The following DRICH1 variants were observed in gnomAD, a reference collection of about 807,000 sequenced individuals.
The protein encoded by DRICH1 is aspartate rich 1, also known as aspartate-rich protein 1.
A neutral mutation model predicts 39.5 loss-of-function variants in DRICH1; 38 were observed. The ratio of observed to expected loss-of-function variants is 0.96; its 90% CI spans 0.74 to 1.26. DRICH1 has a LOEUF of 1.26. Ranked by LOEUF, DRICH1 falls within the 50% of genes most tolerant of loss-of-function variation. The pLI is 0.00. For missense variants in DRICH1, 279 were observed against 270.4 expected (o/e 1.03, Z -0.22); for synonymous variants, 84 against 99.5 (o/e 0.84, Z 0.93).
At chr22:23,601,363 C>A in the DRICH1 span, among the ~76,000 whole-genome samples, 1 of 152,166 alleles carries the variant, frequency 6.6e-6, no homozygotes, top group African/African-American at 2.4e-5. Flanking sequence ...ACTTAGACTC[C>A]TAGTCAGCAT....
intron 6 of DRICH1, 117 bp downstream of exon 6, chr22:23,619,247 C>A (rs531932367): frequency 1.6e-5 from 10 of 618,280 alleles, no homozygotes; most frequent in South Asian, 7.4e-5. Flanking sequence ...CAGCTGTCAA[C>A]ATAAAGTTTC....
chr22:23,582,705 C>T, the DRICH1 span, among the ~76,000 whole-genome samples: 2 of 152,014 alleles, frequency 1.3e-5, no homozygotes, highest in Non-Finnish European at 2.9e-5. Flanking sequence ...AGCTGGTCTA[C>T]AGGTGCCCGC....
intron 10 of DRICH1, 21 bp downstream of exon 10, chr22:23,613,618 G>C (rs886320162): frequency 2.5e-6 from 4 of 1,589,292 alleles, no homozygotes; most frequent in Non-Finnish European, 3.5e-6. Context: ...CTCAGGAAGT[G>C]AGTTATCTCA....
At position 23,620,373 on chromosome 22, in the gene DRICH1, TCCA is replaced by T. The variant is rs111944809; in HGVS notation, c.406+218_406+220del. On this transcript the variant is annotated intron_variant, in intron 5 of 11. Transcript: ENST00000317749. ...GGTCAGTGAGCGGTGCACTCACTTC[TCCA>T]ACTCCAGGTGAAGACACACTGGCTC... Among the ~76,000 whole-genome samples the T allele has an allele frequency of 2.4e-3, 364 of 152,208 alleles. 2 individuals are homozygous for T. Among genetic ancestry groups the T allele is most frequent in the African/African-American group, 7.1e-3 (295 of 41,528 alleles).
At chr22:23,626,170 AAC>A (rs936419288) in intron 1 of DRICH1, 122 bp from the exon 2 acceptor site, 24 of 684,840 alleles carry the variant, frequency 3.5e-5, no homozygotes, top group Non-Finnish European at 6.3e-5. Context: ...ATCTCAGAGA[AAC>A]AACTGTGTTC....
intron 2 of DRICH1, among the ~76,000 whole-genome samples, chr22:23,625,739 T>TGTGACCTCATA (rs1569095748): frequency 1.3e-5 from 2 of 152,082 alleles, no homozygotes; most frequent in African/African-American, 2.4e-5. Context: ...CCGGGAAGAT[T>TGTGACCTCATA]GTGACCTCAT....
chr22:23,626,112 C>T, intron 1 of DRICH1, 64 bp from the exon 2 acceptor site: 3 of 1,159,074 alleles, frequency 2.6e-6, no homozygotes, highest in East Asian at 4.7e-5. Flanking sequence ...CCTCAGGGAG[C>T]TTTGCTGGAT....
rs1480785485 is a variant in DRICH1 at position 23,617,669 on chromosome 22, C to A, written c.437-12G>T. 2.5e-6 allele frequency: 4 copies of A among 1,613,474 alleles called. No homozygotes were observed. Among genetic ancestry groups the A allele is most frequent in the East Asian group, 2.2e-5 (1 of 44,894 alleles). On this transcript the variant is annotated splice_polypyrimidine_tract_variant and intron_variant, in intron 6 of 11. Transcript: ENST00000317749. ...GTCCTCAGAAGAACCTGGAAGCACA[C>A]AGAGGAAAGATCCGTGCCCTGGTTG...
chr22:23,586,521 C>T, the DRICH1 span, among the ~76,000 whole-genome samples: 2 of 152,102 alleles, frequency 1.3e-5, no homozygotes, highest in East Asian at 3.9e-4. Flanking sequence ...TTACCTCCCT[C>T]ATGTTCCCTG....
chr22:23,619,568 T>C lies in DRICH1; in HGVS notation c.407-175A>G, dbSNP rs141226512. On this transcript the variant is annotated intron_variant, in intron 5 of 11. Transcript: ENST00000317749. ...TTCCAGCATGGAGGTATCACAGATA[T>C]AGAATACAGAGCCCAGAATTAAATG... Among the ~76,000 whole-genome samples, 778 of 124,524 alleles carry C rather than the reference T, an allele frequency of 6.2e-3. 1 individual carries two copies. The highest frequency in any genetic ancestry group is 0.011 in the Non-Finnish European group (622 of 57,672). The allele number at this position is 124,524 out of a possible 152,430, so 81.7% of individuals were successfully genotyped here.
the DRICH1 span, among the ~76,000 whole-genome samples, chr22:23,587,513 G>T: frequency 3.3e-5 from 5 of 152,324 alleles, no homozygotes; most frequent in East Asian, 9.6e-4. Flanking sequence ...CAGGACCAGG[G>T]ACGGGGCCTG....
chr22:23,621,946 G>GA (rs1927763985), intron 4 of DRICH1, 145 bp downstream of exon 4: 1 of 790,834 alleles, frequency 1.3e-6, no homozygotes, highest in Admixed American at 2.6e-5. Context: ...GAAAAGAAAA[G>GA]AAAAAAGAAA....
downstream of DRICH1, among the ~76,000 whole-genome samples, chr22:23,604,129 C>A (rs920828918): frequency 6.6e-6 from 1 of 152,126 alleles, no homozygotes; most frequent in Non-Finnish European, 1.5e-5. Context: ...CCCACCCATC[C>A]AACTCTGGTC....
At chr22:23,614,585 A>G (rs562135108) in intron 8 of DRICH1, among the ~76,000 whole-genome samples, 80 of 152,322 alleles carry the variant, frequency 5.3e-4, no homozygotes, top group African/African-American at 1.8e-3. Flanking sequence ...CTAGGATCTA[A>G]TTATGCTGAT....
chr22:23,592,695 A>C, the DRICH1 span, among the ~76,000 whole-genome samples: 1 of 152,148 alleles, frequency 6.6e-6, no homozygotes, highest in East Asian at 1.9e-4. Context: ...AGAGGCTTCA[A>C]GCTTTAAGAT....
At chr22:23,606,044 C>T (rs1427573969), downstream of DRICH1, among the ~76,000 whole-genome samples, 1 of 150,032 alleles carries the variant, frequency 6.7e-6, no homozygotes. Context: ...ACTGCACTCC[C>T]GCCTCAAAAA....
At chr22:23,591,273 G>A in the DRICH1 span, among the ~76,000 whole-genome samples, 1 of 152,268 alleles carries the variant, frequency 6.6e-6, no homozygotes, top group Middle Eastern at 3.4e-3. Context: ...AGTTCAGCTT[G>A]GGCCAGTCTC....
intron 1 of DRICH1, among the ~76,000 whole-genome samples, chr22:23,629,906 C>CG (rs1310514389): frequency 6.6e-6 from 1 of 152,160 alleles, no homozygotes; most frequent in Non-Finnish European, 1.5e-5. Flanking sequence ...TGTGAGCCAC[C>CG]GTGCCCGGCC....
intron 1 of DRICH1, chr22:23,630,555 G>A (rs1213982060): frequency 2.0e-5 from 3 of 152,182 alleles, no homozygotes; most frequent in African/African-American, 7.2e-5. Flanking sequence ...TGACTTGGGA[G>A]GCTGAGGTGA....
Sources: gnomAD v4.1 joint callset for allele counts (sites outside exome capture counted in the v4.1 genomes callset) on GRCh38, gnomAD v4.1.1 for gene constraint, MANE v1.5 for transcripts, NCBI Gene and HGNC (gene_info 2026-07-23, HGNC 2026-07-21) for gene names.